Variants in DLGAP4 observed in about 807,000 individuals in gnomAD.
DLGAP4 encodes disks large-associated protein 4.
DLGAP4 carries 18 observed loss-of-function variants against 86.9 expected under a neutral mutation model. The ratio of observed to expected loss-of-function variants is 0.21; its 90% CI spans 0.14 to 0.31. The LOEUF (loss-of-function observed/expected upper bound fraction) is 0.31, where lower values mean the gene tolerates loss of function less well. Ranked by LOEUF, DLGAP4 falls within the 10% of genes least tolerant of loss-of-function variation. The pLI is 1.00. For missense variants in DLGAP4, 1,085 were observed against 1,362.6 expected (o/e 0.80, Z 3.21); for synonymous variants, 548 against 574.3 (o/e 0.95, Z 0.65).
chr20:36,345,958 T>C (rs1467853507), intron 1 of DLGAP4, among the ~76,000 whole-genome samples: 2 of 152,172 alleles, frequency 1.3e-5, no homozygotes, highest in African/African-American at 4.8e-5. Context: ...GGTCTTGCTA[T>C]GTTGCCCTGG....
Position 36,500,645 on chromosome 20 carries a change from TAGA to T in DLGAP4, c.2512+37_2512+39del. 4.9e-6 allele frequency: 7 copies of T among 1,428,256 alleles called. No homozygotes were observed. The highest frequency in any genetic ancestry group is 1.7e-5 in the South Asian group (1 of 57,690). 88.5% of individuals were successfully genotyped at this position (1,428,256 alleles called of 1,614,324 possible). Reference sequence around the variant, plus strand: ...CACATGGATGGTCCTTGGGCAAGGGTAGAAGGTGTTGGCAGCTGGTTTCAGCTG... The same window carrying T: ...CACATGGATGGTCCTTGGGCAAGGGTAGGTGTTGGCAGCTGGTTTCAGCTG... On this transcript the variant is annotated intron_variant, in intron 10 of 12. Transcript: ENST00000339266. The surrounding 1 kb of genome is among the most constrained non-coding windows in gnomAD (Gnocchi z 4.6).
At chr20:36,415,057 G>A (rs2032613888) in intron 2 of DLGAP4, among the ~76,000 whole-genome samples, 1 of 152,120 alleles carries the variant, frequency 6.6e-6, no homozygotes, top group Non-Finnish European at 1.5e-5. Context: ...CCTGAGGCCA[G>A]GAGTTTGAGA....
intron 1 of DLGAP4, among the ~76,000 whole-genome samples, chr20:36,318,875 G>A (rs1555890251): frequency 1.3e-5 from 2 of 152,210 alleles, no homozygotes; most frequent in African/African-American, 4.8e-5. Context: ...GGCAGGCGCG[G>A]TGGCTCACGC....
chr20:36,346,312 C>T (rs1023686654), intron 1 of DLGAP4, among the ~76,000 whole-genome samples: 10 of 152,228 alleles, frequency 6.6e-5, no homozygotes, highest in African/African-American at 2.4e-4. Context: ...AGCCATTGTG[C>T]TGACCATGTG....
At chr20:36,426,129 T>C (rs1473028211) in intron 2 of DLGAP4, among the ~76,000 whole-genome samples, 5 of 152,188 alleles carry the variant, frequency 3.3e-5, no homozygotes, top group African/African-American at 9.7e-5. Context: ...CTACGTGAAA[T>C]AGGTCAGACA....
At chr20:36,339,858 G>A (rs1377372291) in intron 1 of DLGAP4, among the ~76,000 whole-genome samples, 2 of 152,186 alleles carry the variant, frequency 1.3e-5, no homozygotes, top group African/African-American at 4.8e-5. Flanking sequence ...CACAGCTCCG[G>A]CAGAGGCGTT....
chr20:36,441,456 G>A (rs577778094), intron 5 of DLGAP4, among the ~76,000 whole-genome samples: 2 of 152,272 alleles, frequency 1.3e-5, no homozygotes, highest in Admixed American at 6.5e-5. Flanking sequence ...CTTCCCAGGC[G>A]CTGTTCCCTT....
At chr20:36,321,734 G>C (rs1016976553) in intron 1 of DLGAP4, among the ~76,000 whole-genome samples, 3 of 152,196 alleles carry the variant, frequency 2.0e-5, no homozygotes, top group Non-Finnish European at 4.4e-5. Flanking sequence ...AGGGGGAAAG[G>C]TGGGGGTCCC....
chr20:36,389,241 G>A (rs1302564001), intron 2 of DLGAP4, among the ~76,000 whole-genome samples: 3 of 152,188 alleles, frequency 2.0e-5, no homozygotes, highest in South Asian at 2.1e-4. Context: ...GACCTTCCCA[G>A]ACCTTTTCCT....
intron 6 of DLGAP4, 114 bp downstream of exon 6, chr20:36,442,891 C>T (rs768090682): frequency 6.1e-4 from 871 of 1,419,944 alleles, no homozygotes; most frequent in Admixed American, 8.5e-4. Context: ...GCAGAGCCAT[C>T]ACCAGGAAAG....
At chr20:36,516,073 C>CA (rs11483052) in intron 10 of DLGAP4, among the ~76,000 whole-genome samples, 11,100 of 152,216 alleles carry the variant, frequency 0.073, 1,427 homozygotes, top group African/African-American at 0.25. Context: ...CAAAGGAGAA[C>CA]AGCTGGCCCA....
At chr20:36,353,737 A>G (rs2030237101) in intron 1 of DLGAP4, among the ~76,000 whole-genome samples, 1 of 152,210 alleles carries the variant, frequency 6.6e-6, no homozygotes, top group Non-Finnish European at 1.5e-5. Flanking sequence ...GGACCAGCGG[A>G]GGAAGAGGAG....
At chr20:36,408,388 G>A (rs1280993320) in intron 2 of DLGAP4, among the ~76,000 whole-genome samples, 1 of 152,082 alleles carries the variant, frequency 6.6e-6, no homozygotes, top group Non-Finnish European at 1.5e-5. Flanking sequence ...AGGACTAAGC[G>A]GGCGGGATGT....
rs1489527013 is a variant in DLGAP4, at chr20:36,436,153, A to C, written c.1044A>C (p.Pro348=). The C allele has an allele frequency of 6.3e-7, 1 of 1,595,310 alleles. No homozygotes were observed. Among genetic ancestry groups the C allele is most frequent in the Non-Finnish European group, 8.5e-7 (1 of 1,176,908 alleles). The change falls in exon 4 of 13, where the codon CCA becomes CCC. Residue 348 remains proline, a synonymous_variant. Coordinates refer to ENST00000339266, the MANE Select transcript of DLGAP4 (RefSeq NM_001365621.2). ...AGTGGAGCACCACGCTGCTGTCCCC[A>C]CGCGAGACGGATGCCGCGGCCGAGG... is the stretch of plus-strand genomic sequence containing the variant. ...GGEWSTTLLS[P]RETDAAAEGP...
chr20:36,311,521 T>G (rs1316665582), intron 1 of DLGAP4, among the ~76,000 whole-genome samples: 1 of 152,182 alleles, frequency 6.6e-6, no homozygotes, highest in Admixed American at 6.5e-5. Flanking sequence ...CCTACTGATG[T>G]TGACGATGAT....
chr20:36,520,925 C>T (rs2037343023), intron 10 of DLGAP4, among the ~76,000 whole-genome samples: 1 of 152,044 alleles, frequency 6.6e-6, no homozygotes. Flanking sequence ...CTCTGCCTCC[C>T]GGGTTCAAGT....
At chr20:36,309,748 A>T (rs1354037109) in intron 1 of DLGAP4, among the ~76,000 whole-genome samples, 1 of 152,188 alleles carries the variant, frequency 6.6e-6, no homozygotes, top group Non-Finnish European at 1.5e-5. Flanking sequence ...TCGCCAGGTC[A>T]CTGGCCTGTT....
intron 1 of DLGAP4, among the ~76,000 whole-genome samples, chr20:36,321,835 A>G (rs1383622231): frequency 6.6e-6 from 1 of 151,794 alleles, no homozygotes; most frequent in Non-Finnish European, 1.5e-5. Context: ...ACAAATATAC[A>G]GATCCCCCTC....
chr20:36,319,041 G>C (rs909465701), intron 1 of DLGAP4, among the ~76,000 whole-genome samples: 1 of 152,056 alleles, frequency 6.6e-6, no homozygotes, highest in African/African-American at 2.4e-5. Context: ...TACTCAGGAG[G>C]CTGAGGCAGG....
Sources: allele counts gnomAD v4.1 joint callset (sites outside exome capture counted in the v4.1 genomes callset), GRCh38; gene constraint gnomAD v4.1.1; non-coding constraint Gnocchi (gnomAD v3.1); transcripts MANE v1.5; gene names NCBI Gene and HGNC (gene_info 2026-07-23, HGNC 2026-07-21).